The following SLC24A2 variants were observed in gnomAD, a reference collection of about 807,000 sequenced individuals.
The protein encoded by SLC24A2 is solute carrier family 24 member 2, also known as sodium/potassium/calcium exchanger 2.
SLC24A2 carries 36 observed loss-of-function variants against 62.0 expected under a neutral mutation model. That is an observed-to-expected ratio of 0.58 (90% CI 0.44 to 0.77). SLC24A2 has a LOEUF of 0.77. Among genes scored for constraint, SLC24A2 ranks in the 30% least tolerant of loss-of-function variants. The pLI, the probability that SLC24A2 is intolerant of heterozygous loss-of-function variation, is 0.00. For synonymous variants in SLC24A2, 358 were observed against 294.0 expected (o/e 1.22, Z -2.23); for missense variants, 846 against 817.9 (o/e 1.03, Z -0.42).
chr9:20,234,337 C>T, the SLC24A2 span, among the ~76,000 whole-genome samples: 20,288 of 151,892 alleles, frequency 0.13, 1,615 homozygotes, highest in African/African-American at 0.22. Flanking sequence ...AACTTGGTTC[C>T]ATTCTCCCCG....
the SLC24A2 span, among the ~76,000 whole-genome samples, chr9:20,135,726 T>G: frequency 5.3e-5 from 8 of 152,108 alleles, no homozygotes; most frequent in East Asian, 1.5e-3. Flanking sequence ...TAGTTTTGCT[T>G]ATTTTTTTTT....
chr9:19,644,058 T>C (rs1434813602), intron 2 of SLC24A2, among the ~76,000 whole-genome samples: 1 of 152,234 alleles, frequency 6.6e-6, no homozygotes, highest in Non-Finnish European at 1.5e-5. Context: ...ACTAAAGACA[T>C]TCCTGTTCAC....
In SLC24A2 at chr9:19,608,081, G is replaced by A. The variant is rs535828883; in HGVS notation, c.1079-10802C>T. Among the ~76,000 whole-genome samples the A allele has an allele frequency of 3.3e-5, 5 of 152,234 alleles. No homozygotes were observed. The East Asian group carries it at 5.8e-4, about 18-fold the overall frequency. ...TACTACTGTCATATTAGTAGACCAC[G>A]GCCAGTAGATTGGATTTTATTTTTC... On this transcript the variant is annotated intron_variant, in intron 4 of 10. Coordinates refer to ENST00000341998, the MANE Select transcript of SLC24A2 (RefSeq NM_020344.4).
the SLC24A2 span, among the ~76,000 whole-genome samples, chr9:20,184,695 G>A: frequency 6.6e-6 from 1 of 152,134 alleles, no homozygotes; most frequent in Admixed American, 6.5e-5. Context: ...AGTATGGAGG[G>A]TCCTCAAAAA....
At chr9:19,993,677 G>A in the SLC24A2 span, among the ~76,000 whole-genome samples, 6 of 152,134 alleles carry the variant, frequency 3.9e-5, no homozygotes, top group Non-Finnish European at 7.3e-5. Flanking sequence ...CCCACACAGA[G>A]TTCTACCCCA....
chr9:19,593,605 G>C (rs138886995), intron 5 of SLC24A2, among the ~76,000 whole-genome samples: 1 of 152,090 alleles, frequency 6.6e-6, no homozygotes, highest in Admixed American at 6.5e-5. Flanking sequence ...TTCTTCAATA[G>C]CTCATTGTTG....
the SLC24A2 span, among the ~76,000 whole-genome samples, chr9:19,921,251 T>C: frequency 2.0e-5 from 3 of 152,154 alleles, no homozygotes; most frequent in East Asian, 1.9e-4. Flanking sequence ...TGGCCGGGCA[T>C]GGTGGCTCAC....
chr9:20,283,917 T>C, the SLC24A2 span, among the ~76,000 whole-genome samples: 2 of 152,172 alleles, frequency 1.3e-5, no homozygotes, highest in Admixed American at 1.3e-4. Context: ...TTTTCCTTTT[T>C]CCGGTGGCAT....
chr9:19,894,588 G>C, the SLC24A2 span, among the ~76,000 whole-genome samples: 5 of 152,080 alleles, frequency 3.3e-5, no homozygotes, highest in African/African-American at 1.2e-4. Context: ...GATGCCTGGA[G>C]AGCCAACAAC....
chr9:19,705,995 T>C (rs1820503649), intron 2 of SLC24A2, among the ~76,000 whole-genome samples: 2 of 151,970 alleles, frequency 1.3e-5, no homozygotes, highest in Admixed American at 6.6e-5. Context: ...CCTTGTTAAC[T>C]TTCTGTCTCG....
chr9:20,055,788 C>A, the SLC24A2 span, among the ~76,000 whole-genome samples: 1 of 152,096 alleles, frequency 6.6e-6, no homozygotes, highest in Non-Finnish European at 1.5e-5. Context: ...CTTAGGGAGG[C>A]TGAGGCAGGA....
the SLC24A2 span, among the ~76,000 whole-genome samples, chr9:20,070,346 A>G: frequency 6.6e-6 from 1 of 152,218 alleles, no homozygotes; most frequent in African/African-American, 2.4e-5. Flanking sequence ...GATTCTGTCA[A>G]GGTAGTGGCT....
chr9:20,153,076 A>G, the SLC24A2 span, among the ~76,000 whole-genome samples: 1 of 151,972 alleles, frequency 6.6e-6, no homozygotes, highest in African/African-American at 2.4e-5. Context: ...CAGAAAATTT[A>G]GAAACCTCAG....
chr9:19,579,104 G>A (rs1836125112), intron 5 of SLC24A2, among the ~76,000 whole-genome samples: 1 of 152,204 alleles, frequency 6.6e-6, no homozygotes, highest in Non-Finnish European at 1.5e-5. Context: ...TCACCACCCT[G>A]GAAGGTAGCT....
chr9:19,730,287 A>T (rs1183830417), intron 2 of SLC24A2, among the ~76,000 whole-genome samples: 1 of 152,202 alleles, frequency 6.6e-6, no homozygotes, highest in Non-Finnish European at 1.5e-5. Context: ...AAGATCAGTA[A>T]TGTGCAGGCT....
At chr9:19,841,094 C>G in the SLC24A2 span, among the ~76,000 whole-genome samples, 35 of 152,134 alleles carry the variant, frequency 2.3e-4, no homozygotes, top group South Asian at 8.3e-4. Context: ...TTTTCTATAA[C>G]CACTCAATAA....
chr9:19,730,879 G>T (rs1821314286), intron 2 of SLC24A2, among the ~76,000 whole-genome samples: 1 of 148,956 alleles, frequency 6.7e-6, no homozygotes, highest in Non-Finnish European at 1.5e-5. Flanking sequence ...TAACTCTTAG[G>T]TTTTTTTTTT....
At chr9:19,560,895 G>GTT (rs1487545276) in intron 7 of SLC24A2, among the ~76,000 whole-genome samples, 1 of 25,732 alleles carries the variant, frequency 3.9e-5, no homozygotes, top group Non-Finnish European at 7.9e-5. Flanking sequence ...GTGTGTGTGT[G>GTT]TGTATATATA....
chr9:19,568,754 G>T (rs577766323), intron 7 of SLC24A2, among the ~76,000 whole-genome samples: 1 of 152,132 alleles, frequency 6.6e-6, no homozygotes, highest in Non-Finnish European at 1.5e-5. Flanking sequence ...TATTTTTAGT[G>T]TTGCTGCATT....
Sources: gnomAD v4.1 joint callset for allele counts (sites outside exome capture counted in the v4.1 genomes callset) on GRCh38, gnomAD v4.1.1 for gene constraint, MANE v1.5 for transcripts, NCBI Gene and HGNC (gene_info 2026-07-23, HGNC 2026-07-21) for gene names.